The following MARCHF5 variants were observed in gnomAD, a reference collection of about 807,000 sequenced individuals.
MARCHF5 encodes the protein membrane associated ring-CH-type finger 5.
MARCHF5 carries 5 observed loss-of-function variants against 36.5 expected under a neutral mutation model. That is an observed-to-expected ratio of 0.14 (90% confidence interval 0.07 to 0.29). The LOEUF is 0.29. Among genes scored for constraint, MARCHF5 ranks in the 10% least tolerant of loss-of-function variants. The pLI is 1.00. For synonymous variants in MARCHF5, 103 were observed against 109.9 expected (o/e 0.94, Z 0.39); for missense variants, 179 against 336.3 (o/e 0.53, Z 3.66).
chr10:92,313,709 G>C (rs1721561081), intron 2 of MARCHF5, among the ~76,000 whole-genome samples: 1 of 151,922 alleles, frequency 6.6e-6, no homozygotes, highest in Admixed American at 6.6e-5. Flanking sequence ...GCAACAGGGT[G>C]AAACTCCATC....
intron 1 of MARCHF5, among the ~76,000 whole-genome samples, chr10:92,302,969 A>G (rs1351707645): frequency 6.6e-6 from 1 of 152,162 alleles, no homozygotes; most frequent in Non-Finnish European, 1.5e-5. Context: ...TCCAATTTTC[A>G]TCACAGTGAT....
intron 2 of MARCHF5, among the ~76,000 whole-genome samples, chr10:92,329,592 A>G (rs950582420): frequency 6.6e-6 from 1 of 152,140 alleles, no homozygotes; most frequent in Non-Finnish European, 1.5e-5. Context: ...CTGCCTGCTC[A>G]TAAAATATAT....
chr10:92,313,616 T>A (rs1036764675), intron 2 of MARCHF5, among the ~76,000 whole-genome samples: 2 of 149,404 alleles, frequency 1.3e-5, no homozygotes, highest in Non-Finnish European at 3.0e-5. Flanking sequence ...AAAAAAAAAA[T>A]TGTGGCGGGT....
At chr10:92,293,540 G>A (rs1590640881) in intron 1 of MARCHF5, among the ~76,000 whole-genome samples, 2 of 151,720 alleles carry the variant, frequency 1.3e-5, no homozygotes, top group South Asian at 2.1e-4. Flanking sequence ...GGAGGCCAAG[G>A]CAGGCAGATC....
At chr10:92,333,747 T>A in intron 2 of MARCHF5, 2 of 612,958 alleles carry the variant, frequency 3.3e-6, no homozygotes, top group Non-Finnish European at 4.1e-6. Flanking sequence ...TATACAGATT[T>A]AATCAAAGTA....
rs888284457 is a variant in MARCHF5, at chr10:92,313,401, G to A, written c.238+2064G>A. 2.6e-4 allele frequency among the ~76,000 whole-genome samples: 40 copies of A among 151,898 alleles called. 2 individuals carry two copies. Among genetic ancestry groups the A allele is most frequent in the African/African-American group, 9.4e-4 (39 of 41,432 alleles). On this transcript the variant is annotated intron_variant, in intron 2 of 5. Coordinates refer to ENST00000358935, the MANE Select transcript of MARCHF5 (RefSeq NM_017824.5). ...TGGCAGATCACGAGGTCAGGAGATC[G>A]AGACCATCCTGGCTAACACAGTGAA...
chr10:92,343,337 C>G (rs544573137), intron 3 of MARCHF5, among the ~76,000 whole-genome samples: 3 of 152,198 alleles, frequency 2.0e-5, no homozygotes, highest in Admixed American at 6.5e-5. Context: ...ATTCCTTCTT[C>G]CCCCACATTC....
Position 92,291,263 on chromosome 10 carries a change from G to GCCGCCTCC in MARCHF5, c.-224_-217dup, listed in dbSNP as rs1490340045. 5.6e-6 allele frequency: 3 copies of GCCGCCTCC among 539,540 alleles called. No individual in the cohort carries two copies. The highest frequency in any genetic ancestry group is 9.7e-6 in the Non-Finnish European group (3 of 310,664). 33.4% of individuals were successfully genotyped at this position (539,540 alleles called of 1,614,324 possible). On this transcript the variant is annotated 5_prime_UTR_variant, in exon 1 of 6. It introduces an in-frame stop codon into an upstream open reading frame of the 5' UTR. Transcript: ENST00000358935. ...ACGGACGGGAACCCGGGCCGCGATC[G>GCCGCCTCC]CCGCCTCCCCGCCTCAGGCTCCTCC...
intron 3 of MARCHF5, among the ~76,000 whole-genome samples, chr10:92,347,544 G>A (rs889760911): frequency 6.6e-6 from 1 of 151,084 alleles, no homozygotes. Flanking sequence ...TAGATAGATA[G>A]ATAGATAGAT....
intron 3 of MARCHF5, among the ~76,000 whole-genome samples, chr10:92,348,154 G>A (rs1354020932): frequency 3.4e-5 from 5 of 146,862 alleles, no homozygotes; most frequent in Non-Finnish European, 5.9e-5. Context: ...TTGCACTCCA[G>A]CCTGGGCAAC....
At chr10:92,317,135 C>T (rs998045057) in intron 2 of MARCHF5, among the ~76,000 whole-genome samples, 2 of 152,148 alleles carry the variant, frequency 1.3e-5, no homozygotes, top group African/African-American at 4.8e-5. Context: ...AGACGGATCT[C>T]GCACTGTCAT....
At chr10:92,305,815 A>G (rs569353160) in intron 1 of MARCHF5, among the ~76,000 whole-genome samples, 3 of 152,290 alleles carry the variant, frequency 2.0e-5, no homozygotes, top group African/African-American at 4.8e-5. Context: ...AACTAGTCCC[A>G]TCTACTCAGG....
chr10:92,323,785 A>T (rs1035734858), intron 2 of MARCHF5, among the ~76,000 whole-genome samples: 3 of 152,196 alleles, frequency 2.0e-5, no homozygotes, highest in African/African-American at 7.2e-5. Flanking sequence ...TGGATGTCCC[A>T]CAGTTTATCC....
At chr10:92,341,734 T>C (rs1590666843) in intron 3 of MARCHF5, among the ~76,000 whole-genome samples, 1 of 151,524 alleles carries the variant, frequency 6.6e-6, no homozygotes, top group South Asian at 2.1e-4. Flanking sequence ...TTCTCCGTCA[T>C]CGTTCCTTTG....
intron 3 of MARCHF5, among the ~76,000 whole-genome samples, chr10:92,349,003 T>C (rs1007241474): frequency 9.9e-5 from 15 of 152,192 alleles, no homozygotes; most frequent in African/African-American, 3.6e-4. Flanking sequence ...AAATAGGACT[T>C]AGAATTATAT....
chr10:92,298,717 C>T (rs932108255), intron 1 of MARCHF5, among the ~76,000 whole-genome samples: 1 of 152,122 alleles, frequency 6.6e-6, no homozygotes, highest in Non-Finnish European at 1.5e-5. Flanking sequence ...GCTGGGACTG[C>T]ATGTCCAGCT....
intron 2 of MARCHF5, among the ~76,000 whole-genome samples, chr10:92,333,136 G>A (rs772540365): frequency 1.1e-4 from 17 of 149,634 alleles, no homozygotes; most frequent in Non-Finnish European, 2.4e-4. Context: ...CTCCAGCCTG[G>A]GCAACAAGAG....
chr10:92,328,651 T>G (rs1843398475), intron 2 of MARCHF5, among the ~76,000 whole-genome samples: 1 of 151,612 alleles, frequency 6.6e-6, no homozygotes, highest in African/African-American at 2.4e-5. Context: ...TAGAGTTATA[T>G]TAGACATTTT....
At chr10:92,324,406 G>T (rs1164147528) in intron 2 of MARCHF5, among the ~76,000 whole-genome samples, 1 of 151,948 alleles carries the variant, frequency 6.6e-6, no homozygotes, top group Non-Finnish European at 1.5e-5. Context: ...CTGTTGCCCA[G>T]GCTAGAGTGC....
Sources: gnomAD v4.1 joint callset for allele counts (sites outside exome capture counted in the v4.1 genomes callset) on GRCh38, gnomAD v4.1.1 for gene constraint, MANE v1.5 for transcripts, NCBI Gene and HGNC (gene_info 2026-07-23, HGNC 2026-07-21) for gene names.